Variants in AFF1 observed in about 807,000 individuals in gnomAD.
AFF1 encodes AF4/FMR2 family member 1.
AFF1 carries 48 observed loss-of-function variants against 121.7 expected under a neutral mutation model. The ratio of observed to expected loss-of-function variants is 0.39; its 90% confidence interval spans 0.31 to 0.50. The LOEUF (loss-of-function observed/expected upper bound fraction) is 0.50, where lower values mean the gene tolerates loss of function less well. Ranked by LOEUF, AFF1 falls within the 20% of genes least tolerant of loss-of-function variation. The pLI is 0.76. For synonymous variants in AFF1, 613 were observed against 563.0 expected, an observed-to-expected ratio of 1.09 and a Z score of -1.26; for missense variants, 1,523 against 1,511.7, an observed-to-expected ratio of 1.01 and a Z score of -0.12.
chr4:86,962,685 C>T (rs4274814), intron 2 of AFF1, among the ~76,000 whole-genome samples: 49,380 of 151,914 alleles, frequency 0.33, 9,546 homozygotes, highest in South Asian at 0.51. Context: ...TGTATAATCA[C>T]GTGTTCCTGC....
intron 4 of AFF1, among the ~76,000 whole-genome samples, chr4:87,075,652 T>C (rs1165843361): frequency 6.6e-6 from 1 of 152,226 alleles, no homozygotes; most frequent in African/African-American, 2.4e-5. Context: ...GTCCCCAAAC[T>C]GCATTTAGGC....
chr4:87,003,191 A>C (rs1360234069), intron 2 of AFF1, among the ~76,000 whole-genome samples: 1 of 151,746 alleles, frequency 6.6e-6, no homozygotes, highest in Non-Finnish European at 1.5e-5. Flanking sequence ...AGGGAATCTC[A>C]GGTGTAATTC....
At chr4:86,946,625 C>G (rs1407487415) in intron 1 of AFF1, among the ~76,000 whole-genome samples, 1 of 152,020 alleles carries the variant, frequency 6.6e-6, no homozygotes, top group African/African-American at 2.4e-5. Flanking sequence ...CTCCTGAGCT[C>G]AAGCATTCAG....
chr4:87,042,791 G>GT (rs891171864), intron 2 of AFF1, among the ~76,000 whole-genome samples: 1 of 152,152 alleles, frequency 6.6e-6, no homozygotes, highest in Non-Finnish European at 1.5e-5. Context: ...GAATCACATA[G>GT]TAATAAACCA....
At chr4:87,116,558 A>T (rs967101948) in intron 12 of AFF1, among the ~76,000 whole-genome samples, 1 of 152,212 alleles carries the variant, frequency 6.6e-6, no homozygotes. Flanking sequence ...ATAACAAAGG[A>T]AAAAAAGATT....
At chr4:86,985,766 A>G (rs929247340) in intron 2 of AFF1, among the ~76,000 whole-genome samples, 1 of 152,096 alleles carries the variant, frequency 6.6e-6, no homozygotes, top group Non-Finnish European at 1.5e-5. Flanking sequence ...ACTCATAATT[A>G]AAAAAATAAT....
intron 2 of AFF1, among the ~76,000 whole-genome samples, chr4:87,032,161 A>T (rs1057410021): frequency 1.3e-5 from 2 of 152,196 alleles, no homozygotes; most frequent in African/African-American, 2.4e-5. Context: ...CTTTAAGGAG[A>T]TGCCAATTAT....
At chr4:87,060,339 C>T (rs930778027) in intron 4 of AFF1, among the ~76,000 whole-genome samples, 6 of 152,168 alleles carry the variant, frequency 3.9e-5, no homozygotes, top group African/African-American at 1.2e-4. Context: ...AAATAAGACA[C>T]TGGATTTCCT....
chr4:87,022,790 C>T (rs1330323007), intron 2 of AFF1, among the ~76,000 whole-genome samples: 2 of 150,214 alleles, frequency 1.3e-5, no homozygotes, highest in Non-Finnish European at 3.0e-5. Context: ...ATACATATCA[C>T]GTGTGTGTAT....
At chr4:87,134,402 C>G (rs1037813) in intron 19 of AFF1, 69 bp from the exon 20 acceptor site, 22 of 1,385,604 alleles carry the variant, frequency 1.6e-5, no homozygotes, top group Admixed American at 2.2e-5. Context: ...GTTCCAGACA[C>G]GTAAATCTGT....
chr4:87,105,506 TAAAG>T lies in AFF1; in HGVS notation c.1284-118_1284-115del, dbSNP rs984840700. 10 of 1,036,400 alleles carry T rather than the reference TAAAG, an allele frequency of 9.6e-6. No individual in the cohort carries two copies. The African/African-American group carries it at 1.1e-4, about 12-fold the overall frequency. 64.2% of individuals were successfully genotyped at this position (1,036,400 alleles called of 1,614,324 possible). On this transcript the variant is annotated intron_variant, in intron 8 of 20. Coordinates refer to ENST00000395146, the MANE Select transcript of AFF1 (RefSeq NM_001166693.3). The stretch of plus-strand genomic sequence containing the variant: ...TCAGGAAGTCACAGCCTTTAATAAA[TAAAG>T]AAAACTTACACATATCCTCTCTCTT...
chr4:87,076,498 A>C (rs1296658902), intron 4 of AFF1, among the ~76,000 whole-genome samples: 1 of 152,344 alleles, frequency 6.6e-6, no homozygotes, highest in Middle Eastern at 3.4e-3. Context: ...GATTAGATGA[A>C]GTGTAGCTAA....
chr4:87,003,802 G>C (rs898527444), intron 2 of AFF1, among the ~76,000 whole-genome samples: 1 of 152,168 alleles, frequency 6.6e-6, no homozygotes, highest in Non-Finnish European at 1.5e-5. Context: ...ATTGAGAGTA[G>C]ACTTTTGCCT....
intron 16 of AFF1, among the ~76,000 whole-genome samples, chr4:87,130,671 T>C (rs187319624): frequency 1.3e-5 from 2 of 152,226 alleles, no homozygotes; most frequent in Admixed American, 1.3e-4. Flanking sequence ...CCATGATGAG[T>C]GTTTTCTTTT....
chr4:87,126,913 T>G, intron 14 of AFF1, 113 bp from the exon 15 acceptor site: 2 of 890,556 alleles, frequency 2.2e-6, no homozygotes, highest in Middle Eastern at 2.3e-4. Flanking sequence ...GTGCATTGTT[T>G]GATTTACTCT....
chr4:86,984,977 A>C (rs1724089620), intron 2 of AFF1, among the ~76,000 whole-genome samples: 1 of 151,632 alleles, frequency 6.6e-6, no homozygotes. Flanking sequence ...CATGTTTAGT[A>C]ATGGTATTGG....
chr4:87,090,086 T>C lies in AFF1; in HGVS notation c.1191+16T>C, dbSNP rs200314184. 5.1e-4 allele frequency: 813 copies of C among 1,598,278 alleles called. No individual in the cohort carries two copies. The highest frequency in any genetic ancestry group is 6.7e-4 in the Non-Finnish European group (783 of 1,165,956). ...CCCTACAAAGGTAATTCCTTAAAAG[T>C]ATGGCAGGCATTGCATCCACCTTAG... On this transcript the variant is annotated intron_variant, in intron 6 of 20. Transcript: ENST00000395146.
chr4:86,990,256 G>T (rs999873652), intron 2 of AFF1, among the ~76,000 whole-genome samples: 8 of 151,516 alleles, frequency 5.3e-5, no homozygotes, highest in Admixed American at 4.6e-4. Flanking sequence ...GCTGAGGCAG[G>T]AGAATTGCTT....
At chr4:87,069,647 TCTC>T (rs1050863276) in intron 4 of AFF1, among the ~76,000 whole-genome samples, 8 of 151,200 alleles carry the variant, frequency 5.3e-5, no homozygotes, top group African/African-American at 1.7e-4. Flanking sequence ...TTTTTTCTCT[TCTC>T]CTTCCCCTCC....
Sources: allele counts gnomAD v4.1 joint callset (sites outside exome capture counted in the v4.1 genomes callset), GRCh38; gene constraint gnomAD v4.1.1; transcripts MANE v1.5; gene names NCBI Gene and HGNC (gene_info 2026-07-23, HGNC 2026-07-21).